Variants in GOPC observed in about 807,000 individuals in gnomAD.
The protein encoded by GOPC is golgi associated PDZ and coiled-coil motif containing.
GOPC carries 32 observed loss-of-function variants against 51.2 expected under a neutral mutation model. That is an observed-to-expected ratio of 0.63 (90% CI 0.47 to 0.84). The LOEUF is 0.84. Among genes scored for constraint, GOPC ranks in the 40% least tolerant of loss-of-function variants. The pLI is 0.00. For missense variants in GOPC, 441 were observed against 555.5 expected (o/e 0.79, Z 2.07); for synonymous variants, 190 against 205.1 (o/e 0.93, Z 0.63).
At chr6:117,591,099 A>G (rs189254299) in intron 1 of GOPC, among the ~76,000 whole-genome samples, 1 of 152,100 alleles carries the variant, frequency 6.6e-6, no homozygotes, top group Non-Finnish European at 1.5e-5. Context: ...TGATCTGCCC[A>G]CCTCAGTCTC....
At chr6:117,585,203 T>C (rs1305284765) in intron 1 of GOPC, among the ~76,000 whole-genome samples, 1 of 152,336 alleles carries the variant, frequency 6.6e-6, no homozygotes, top group Non-Finnish European at 1.5e-5. Context: ...CAGTTTCCTA[T>C]TAATCCACTT....
intron 1 of GOPC, among the ~76,000 whole-genome samples, chr6:117,595,844 G>C (rs920907018): frequency 3.9e-5 from 6 of 152,052 alleles, no homozygotes; most frequent in Non-Finnish European, 8.8e-5. Context: ...GCAATTATGA[G>C]TTGTGCTAGT....
intron 1 of GOPC, among the ~76,000 whole-genome samples, chr6:117,586,075 C>T (rs1388761537): frequency 6.6e-6 from 1 of 152,114 alleles, no homozygotes; most frequent in Non-Finnish European, 1.5e-5. Flanking sequence ...TTTTAAATAT[C>T]TGTATTCTCT....
At chr6:117,590,214 A>T (rs1214511661) in intron 1 of GOPC, among the ~76,000 whole-genome samples, 1 of 152,244 alleles carries the variant, frequency 6.6e-6, no homozygotes, top group Non-Finnish European at 1.5e-5. Context: ...TGTGTACCAC[A>T]ATCTGGGGAC....
At position 117,596,276 on chromosome 6, in the gene GOPC, T is replaced by C. The variant is rs563058434; in HGVS notation, c.285+5728A>G. The stretch of plus-strand genomic sequence containing the variant: ...TTTTTCTTGATTTGTTTTGAGTTCC[T>C]TGTAGAGTCTGGATATTAGTCCTTT... On this transcript the variant is annotated intron_variant, in intron 1 of 8. Coordinates refer to ENST00000368498, the MANE Select transcript of GOPC (RefSeq NM_020399.4). Among the ~76,000 whole-genome samples, 4 of 152,314 alleles carry C rather than the reference T, an allele frequency of 2.6e-5. No homozygotes were observed. In the South Asian group the frequency reaches 8.3e-4, roughly 32 times the overall value.
At chr6:117,601,952 C>T in intron 1 of GOPC, 52 bp downstream of exon 1, 2 of 1,589,052 alleles carry the variant, frequency 1.3e-6, no homozygotes, top group Non-Finnish European at 1.7e-6. Context: ...GCATCTGACG[C>T]CACCGGGCAG....
At chr6:117,598,767 C>A (rs1771932267) in intron 1 of GOPC, among the ~76,000 whole-genome samples, 1 of 152,116 alleles carries the variant, frequency 6.6e-6, no homozygotes. Context: ...AGCCACGGAC[C>A]AGTACTGGTC....
chr6:117,593,977 T>C (rs1218379994), intron 1 of GOPC, among the ~76,000 whole-genome samples: 1 of 152,166 alleles, frequency 6.6e-6, no homozygotes, highest in Non-Finnish European at 1.5e-5. Flanking sequence ...TCTAAACAAT[T>C]TTCTGCATTC....
chr6:117,600,199 G>T (rs1382680063), intron 1 of GOPC, among the ~76,000 whole-genome samples: 3 of 152,212 alleles, frequency 2.0e-5, no homozygotes, highest in Admixed American at 6.5e-5. Context: ...GCAGCATAGG[G>T]TGTCACATGG....
At chr6:117,566,733 A>G in intron 8 of GOPC, 121 bp downstream of exon 8, 3 of 581,268 alleles carry the variant, frequency 5.2e-6, no homozygotes, top group Non-Finnish European at 8.7e-6. Context: ...AACAAGGGAA[A>G]GCTCTTCATT....
intron 1 of GOPC, among the ~76,000 whole-genome samples, chr6:117,581,553 C>A (rs1234420314): frequency 5.3e-5 from 8 of 151,886 alleles, no homozygotes; most frequent in African/African-American, 1.9e-4. Flanking sequence ...ACAAAGGTAA[C>A]CATCAGAGTA....
chr6:117,601,710 T>G (rs1337299148), intron 1 of GOPC, among the ~76,000 whole-genome samples: 1 of 152,200 alleles, frequency 6.6e-6, no homozygotes, highest in African/African-American at 2.4e-5. Flanking sequence ...TGACAGAGAA[T>G]CTTTGTTAGG....
At chr6:117,569,981 A>AT (rs1779775176) in intron 6 of GOPC, 1 of 298,874 alleles carries the variant, frequency 3.3e-6, no homozygotes, top group South Asian at 1.4e-4. Flanking sequence ...GCACCATTAC[A>AT]TTTTATCAAG....
intron 2 of GOPC, among the ~76,000 whole-genome samples, chr6:117,577,761 T>TA (rs1779902976): frequency 6.6e-6 from 1 of 152,142 alleles, no homozygotes; most frequent in Non-Finnish European, 1.5e-5. Context: ...AGAGAAAATT[T>TA]AGATTGTTTC....
intron 4 of GOPC, 42 bp downstream of exon 4, chr6:117,575,135 A>G: frequency 2.8e-6 from 4 of 1,420,988 alleles, no homozygotes; most frequent in Non-Finnish European, 3.9e-6. Flanking sequence ...TAAATATCCA[A>G]TTTGTCACTT....
intron 1 of GOPC, among the ~76,000 whole-genome samples, chr6:117,590,350 T>A (rs1029038676): frequency 2.0e-5 from 3 of 152,064 alleles, no homozygotes; most frequent in Non-Finnish European, 4.4e-5. Context: ...GCGGGTGGAT[T>A]GCTTGAGCTT....
intron 1 of GOPC, among the ~76,000 whole-genome samples, chr6:117,598,299 G>C (rs1476057435): frequency 5.9e-5 from 9 of 152,044 alleles, no homozygotes; most frequent in Non-Finnish European, 8.8e-5. Context: ...AACTGAGCTG[G>C]GAGTTGGAGG....
intron 7 of GOPC, among the ~76,000 whole-genome samples, chr6:117,568,195 G>A (rs1458965830): frequency 1.3e-5 from 2 of 151,864 alleles, no homozygotes; most frequent in African/African-American, 4.8e-5. Flanking sequence ...GTGAGATCCT[G>A]GCTCCAAAAA....
chr6:117,566,534 T>A (rs564208927), intron 8 of GOPC, among the ~76,000 whole-genome samples: 1 of 152,260 alleles, frequency 6.6e-6, no homozygotes, highest in Non-Finnish European at 1.5e-5. Context: ...GACAATGTAG[T>A]CTACAAGATA....
Sources: allele counts gnomAD v4.1 joint callset (sites outside exome capture counted in the v4.1 genomes callset), GRCh38; gene constraint gnomAD v4.1.1; transcripts MANE v1.5; gene names NCBI Gene and HGNC (gene_info 2026-07-23, HGNC 2026-07-21).